PRKCH: variants seen among roughly 807,000 people sequenced by gnomAD.
PRKCH encodes the protein protein kinase C eta.
A neutral mutation model predicts 82.5 loss-of-function variants in PRKCH; 28 were observed. The ratio of observed to expected loss-of-function variants is 0.34; its 90% CI spans 0.25 to 0.47. The LOEUF is 0.47. PRKCH is among the 20% of genes least tolerant of loss of function. PRKCH has a pLI of 1.00. For synonymous variants in PRKCH, 322 were observed against 327.4 expected, an observed-to-expected ratio of 0.98 and a Z score of 0.18; for missense variants, 705 against 881.8, an observed-to-expected ratio of 0.80 and a Z score of 2.54.
chr14:61,363,024 A>G (rs1253366291), intron 1 of PRKCH, among the ~76,000 whole-genome samples: 1 of 152,228 alleles, frequency 6.6e-6, no homozygotes, highest in Non-Finnish European at 1.5e-5. Context: ...GACTTAGATG[A>G]TGAACGGGTG....
chr14:61,485,522 G>A lies in PRKCH; in HGVS notation c.1299G>A (p.Met433Ile). The A allele has an allele frequency of 6.2e-7, 1 of 1,613,696 alleles. No individual in the cohort carries two copies. The highest frequency in any genetic ancestry group is 8.5e-7 in the Non-Finnish European group (1 of 1,179,872). ...FQTPDRLFFV[M>I]EFVNGGDLMF... is the part of the protein sequence containing the mutation. ...TCCAGGATCGTCTGTTTTTTGTGAT[G>A]GAGTTTGTGAATGGGGGTGACTTGA... is the stretch of plus-strand genomic sequence containing the variant. The change falls in exon 10 of 14, where the codon ATG becomes ATA. Residue 433 changes from methionine to isoleucine, a missense_variant. Transcript: ENST00000332981.
At chr14:61,197,327 T>C (rs546131260) in intron 1 of PRKCH, among the ~76,000 whole-genome samples, 1 of 152,350 alleles carries the variant, frequency 6.6e-6, no homozygotes, top group South Asian at 2.1e-4. Context: ...TCCCTACATA[T>C]AGTGAGAGTT....
At chr14:61,320,769 G>A (rs1025191822), upstream of PRKCH, among the ~76,000 whole-genome samples, 7 of 152,222 alleles carry the variant, frequency 4.6e-5, no homozygotes, top group Non-Finnish European at 1.0e-4. Context: ...TCAGAAGGCT[G>A]CCCACTCTGA....
At chr14:61,392,868 A>G (rs2046706799) in intron 2 of PRKCH, among the ~76,000 whole-genome samples, 1 of 150,040 alleles carries the variant, frequency 6.7e-6, no homozygotes, top group South Asian at 2.1e-4. Context: ...AGAAGCAAAT[A>G]GTTTTAGGTT....
rs1435532103 is a variant in PRKCH, at chr14:61,548,902, T to G, written c.1906-783T>G. Among the ~76,000 whole-genome samples the G allele has an allele frequency of 1.3e-5, 2 of 151,648 alleles. 1 individual carries two copies. The highest frequency in any genetic ancestry group is 1.3e-4 in the Admixed American group (2 of 15,210). ...AAAGTGATAGAGAAATATCATTGATTAAGGTAAGAGCAGTGAGATGTGTGA... is the reference window on the plus strand; with the variant it reads ...AAAGTGATAGAGAAATATCATTGATGAAGGTAAGAGCAGTGAGATGTGTGA... On this transcript the variant is annotated intron_variant, in intron 13 of 13. Coordinates refer to ENST00000332981, the MANE Select transcript of PRKCH (RefSeq NM_006255.5).
chr14:61,441,105 G>GC (rs59874205), intron 2 of PRKCH, among the ~76,000 whole-genome samples: 143,942 of 151,774 alleles, frequency 0.95, 68,652 homozygotes, highest in Non-Finnish European at 1. Context: ...TCATTATGTT[G>GC]CCAGACTGGT....
intron 2 of PRKCH, among the ~76,000 whole-genome samples, chr14:61,438,746 G>T (rs533582153): frequency 6.6e-6 from 1 of 152,208 alleles, no homozygotes; most frequent in South Asian, 2.1e-4. Flanking sequence ...CTTACCCTGG[G>T]GTTGTTTGGT....
rs116332206 is a variant in PRKCH, at chr14:61,434,217, T to G, written c.428-8894T>G. Among the ~76,000 whole-genome samples the G allele has an allele frequency of 5.2e-3, 796 of 152,318 alleles. 7 individuals are homozygous for G. Among genetic ancestry groups the G allele is most frequent in the African/African-American group, 0.018 (751 of 41,568 alleles). Reference sequence around the variant, plus strand: ...CATTTTCAAGTATATAAAACCAGGATACATTATCTTGTTTAAGCTTGGAGT... The same window carrying G: ...CATTTTCAAGTATATAAAACCAGGAGACATTATCTTGTTTAAGCTTGGAGT... On this transcript the variant is annotated intron_variant, in intron 2 of 13. Coordinates refer to ENST00000332981, the MANE Select transcript of PRKCH (RefSeq NM_006255.5).
intron 1 of PRKCH, among the ~76,000 whole-genome samples, chr14:61,345,515 T>C (rs2045981146): frequency 6.6e-6 from 1 of 152,184 alleles, no homozygotes; most frequent in African/African-American, 2.4e-5. Flanking sequence ...GTTCCTTCTC[T>C]CTTAAATTCT....
intron 12 of PRKCH, among the ~76,000 whole-genome samples, chr14:61,533,018 G>A (rs943088488): frequency 6.6e-6 from 1 of 152,174 alleles, no homozygotes; most frequent in African/African-American, 2.4e-5. Flanking sequence ...GAAGGAGCAG[G>A]GGCTCTGGGC....
At chr14:61,224,163 C>T (rs1477697464) in intron 1 of PRKCH, among the ~76,000 whole-genome samples, 1 of 152,180 alleles carries the variant, frequency 6.6e-6, no homozygotes, top group Non-Finnish European at 1.5e-5. Context: ...TCTTATCTAT[C>T]CTTGCAGTGC....
At chr14:61,247,027 A>C (rs568043155) in intron 1 of PRKCH, among the ~76,000 whole-genome samples, 25 of 152,174 alleles carry the variant, frequency 1.6e-4, no homozygotes, top group Non-Finnish European at 3.4e-4. Context: ...GATGCTCTCT[A>C]GCCCTGACTC....
intron 10 of PRKCH, among the ~76,000 whole-genome samples, chr14:61,496,641 G>A (rs1390024570): frequency 1.3e-5 from 2 of 151,294 alleles, no homozygotes; most frequent in African/African-American, 2.5e-5. Flanking sequence ...TCCATAGGCT[G>A]TGCCCCTGTG....
intron 2 of PRKCH, among the ~76,000 whole-genome samples, chr14:61,403,099 C>G (rs540100055): frequency 1.3e-5 from 2 of 151,968 alleles, no homozygotes; most frequent in Non-Finnish European, 2.9e-5. Context: ...GCCACTCTCT[C>G]TATCTTTGGG....
At chr14:61,547,019 A>G (rs548590692) in intron 12 of PRKCH, among the ~76,000 whole-genome samples, 3 of 152,342 alleles carry the variant, frequency 2.0e-5, no homozygotes, top group Admixed American at 6.5e-5. Context: ...GAGAATCTCT[A>G]TGCACACATC....
chr14:61,240,320 A>G (rs2044826077), intron 1 of PRKCH, among the ~76,000 whole-genome samples: 1 of 152,194 alleles, frequency 6.6e-6, no homozygotes, highest in Non-Finnish European at 1.5e-5. Flanking sequence ...GGTTGGAGGA[A>G]GCGGTGTCTG....
intron 10 of PRKCH, among the ~76,000 whole-genome samples, chr14:61,514,445 A>G (rs1206017059): frequency 1.3e-5 from 2 of 152,006 alleles, no homozygotes; most frequent in African/African-American, 4.8e-5. Flanking sequence ...TGAAGGATTG[A>G]CGCCTGGTCT....
intron 1 of PRKCH, among the ~76,000 whole-genome samples, chr14:61,194,257 C>G (rs867479372): frequency 6.6e-6 from 1 of 152,176 alleles, no homozygotes; most frequent in East Asian, 1.9e-4. Context: ...AAAGAAACTT[C>G]CAGCATTTAA....
At chr14:61,334,727 G>GT (rs1388681282) in intron 1 of PRKCH, among the ~76,000 whole-genome samples, 1 of 152,142 alleles carries the variant, frequency 6.6e-6, no homozygotes, top group Non-Finnish European at 1.5e-5. Flanking sequence ...CTGATGATTA[G>GT]TTTTTTCTTT....
Sources: gnomAD v4.1 joint callset for allele counts (sites outside exome capture counted in the v4.1 genomes callset) on GRCh38, gnomAD v4.1.1 for gene constraint, MANE v1.5 for transcripts, NCBI Gene and HGNC (gene_info 2026-07-23, HGNC 2026-07-21) for gene names.